The following ARHGAP10 variants were observed in gnomAD, a reference collection of about 807,000 sequenced individuals.
ARHGAP10 encodes the protein Rho GTPase activating protein 10, also known as rho GTPase-activating protein 10.
A neutral mutation model predicts 108.6 loss-of-function variants in ARHGAP10; 87 were observed. The observed-to-expected ratio is 0.80, with a 90% CI of 0.67 to 0.96. The LOEUF (loss-of-function observed/expected upper bound fraction) is 0.96, where lower values mean the gene tolerates loss of function less well. ARHGAP10 is among the 40% of genes least tolerant of loss of function. The pLI, the probability that ARHGAP10 is intolerant of heterozygous loss-of-function variation, is 0.00. For synonymous variants in ARHGAP10, 347 were observed against 341.1 expected, an observed-to-expected ratio of 1.02 and a Z score of -0.19; for missense variants, 939 against 954.5, an observed-to-expected ratio of 0.98 and a Z score of 0.21.
intron 10 of ARHGAP10, among the ~76,000 whole-genome samples, chr4:147,886,402 A>G (rs1735566002): frequency 6.6e-6 from 1 of 152,156 alleles, no homozygotes; most frequent in Non-Finnish European, 1.5e-5. Flanking sequence ...TGTCATTGCA[A>G]GGAACTGCAG....
chr4:147,758,086 A>C (rs1422898501), intron 1 of ARHGAP10, among the ~76,000 whole-genome samples: 1 of 152,162 alleles, frequency 6.6e-6, no homozygotes, highest in African/African-American at 2.4e-5. Context: ...AACATGGAGA[A>C]ACCCCGTCCA....
chr4:147,946,770 C>T (rs1738397623), intron 15 of ARHGAP10, 66 bp downstream of exon 15: 1 of 1,179,466 alleles, frequency 8.5e-7, no homozygotes. Flanking sequence ...AAACAGATGC[C>T]AATTGTGTAC....
At position 148,023,310 on chromosome 4, in the gene ARHGAP10, G is replaced by A. The variant is rs767700198; in HGVS notation, c.1764G>A (p.Leu588=). 2 of 1,614,036 alleles carry A rather than the reference G, an allele frequency of 1.2e-6. No homozygotes were observed. Among genetic ancestry groups the A allele is most frequent in the South Asian group, 2.2e-5 (2 of 91,070 alleles). ...PDTTFPEPTC[L]SASPPNAPPR... ...CTACATTCCCTGAGCCCACCTGCCT[G>A]TCAGCATCACCCCCAAATGCGCCAC... The change falls in exon 19 of 23, where the codon CTG becomes CTA. Residue 588 remains leucine, a synonymous_variant. Transcript: ENST00000336498.
At chr4:147,916,043 G>A (rs192187977) in intron 13 of ARHGAP10, among the ~76,000 whole-genome samples, 1 of 152,264 alleles carries the variant, frequency 6.6e-6, no homozygotes, top group Non-Finnish European at 1.5e-5. Context: ...CAGGGGTCGA[G>A]GCTACAGTGA....
intron 5 of ARHGAP10, among the ~76,000 whole-genome samples, chr4:147,858,933 A>C (rs1157728644): frequency 6.6e-6 from 1 of 152,180 alleles, no homozygotes; most frequent in Non-Finnish European, 1.5e-5. Context: ...CATCTAGTCC[A>C]TCAGTATGTC....
At chr4:147,847,102 T>G in intron 3 of ARHGAP10, 49 bp from the exon 4 acceptor site, 1 of 1,510,770 alleles carries the variant, frequency 6.6e-7, no homozygotes, top group Non-Finnish European at 9.1e-7. Context: ...ATTTTTTCCT[T>G]TTTGGAAACC....
intron 10 of ARHGAP10, among the ~76,000 whole-genome samples, chr4:147,904,448 G>C (rs1231885896): frequency 1.5e-5 from 2 of 137,020 alleles, no homozygotes; most frequent in Non-Finnish European, 3.0e-5. Flanking sequence ...TGTTCTCATT[G>C]TTCAGTTCCC....
intron 7 of ARHGAP10, among the ~76,000 whole-genome samples, chr4:147,869,880 ATGT>A (rs1001282264): frequency 6.6e-6 from 1 of 151,994 alleles, no homozygotes; most frequent in African/African-American, 2.4e-5. Flanking sequence ...TACCTCAGTG[ATGT>A]TGTAATTTGC....
At chr4:147,737,086 A>G (rs541504928) in intron 1 of ARHGAP10, among the ~76,000 whole-genome samples, 1 of 152,218 alleles carries the variant, frequency 6.6e-6, no homozygotes, top group African/African-American at 2.4e-5. Flanking sequence ...ATGACATAAG[A>G]CAGTTTTGAG....
At chr4:147,988,743 CT>C in intron 18 of ARHGAP10, among the ~76,000 whole-genome samples, 1 of 152,146 alleles carries the variant, frequency 6.6e-6, no homozygotes, top group Non-Finnish European at 1.5e-5. Context: ...TTAGTGTTGA[CT>C]TTTCCCCCAC....
chr4:147,965,001 T>C (rs1739151166), intron 16 of ARHGAP10, 23 bp from the exon 17 acceptor site: 1 of 1,483,506 alleles, frequency 6.7e-7, no homozygotes, highest in Non-Finnish European at 9.0e-7. Context: ...TTTTTTTCTT[T>C]ATTATTATTT....
chr4:147,952,800 T>C (rs1738654125), intron 15 of ARHGAP10, among the ~76,000 whole-genome samples: 1 of 152,202 alleles, frequency 6.6e-6, no homozygotes, highest in Admixed American at 6.5e-5. Flanking sequence ...ACTGTGCTTT[T>C]GTGGCTATAT....
chr4:147,962,519 G>T (rs1739039083), intron 16 of ARHGAP10, among the ~76,000 whole-genome samples: 1 of 152,138 alleles, frequency 6.6e-6, no homozygotes, highest in Non-Finnish European at 1.5e-5. Flanking sequence ...TCAGCTATCA[G>T]TTAGAAGCAA....
chr4:147,995,536 CTTA>C (rs1311554095), intron 18 of ARHGAP10, among the ~76,000 whole-genome samples: 2 of 152,266 alleles, frequency 1.3e-5, no homozygotes, highest in Non-Finnish European at 2.9e-5. Flanking sequence ...TTCTTGTCTA[CTTA>C]TTATTATCTA....
Position 148,072,212 on chromosome 4 carries a change from A to T in ARHGAP10, c.*131A>T. On this transcript the variant is annotated 3_prime_UTR_variant, in exon 23 of 23. Coordinates refer to ENST00000336498, the MANE Select transcript of ARHGAP10 (RefSeq NM_024605.4). The stretch of plus-strand genomic sequence containing the variant: ...CACACTTGGGAGTTACCATCATCAC[A>T]GTCAGCCCTGGGGGTGGGGGGTGGT... The T allele has an allele frequency of 1.4e-4, 61 of 422,160 alleles. No homozygotes were observed. Among genetic ancestry groups the T allele is most frequent in the East Asian group, 4.3e-4 (7 of 16,332 alleles). 26.2% of individuals were successfully genotyped at this position (422,160 alleles called of 1,614,324 possible).
Position 147,759,804 on chromosome 4 carries a change from A to G in ARHGAP10, c.154+27349A>G, listed in dbSNP as rs534087595. ...CACCCTGTCGCCCAGGCTGGAATGC[A>G]GTGGTGGGATCTCAGCTCACCACAA... On this transcript the variant is annotated intron_variant, in intron 1 of 22. Coordinates refer to ENST00000336498, the MANE Select transcript of ARHGAP10 (RefSeq NM_024605.4). Among the ~76,000 whole-genome samples, 16 of 152,318 alleles carry G rather than the reference A, an allele frequency of 1.1e-4. No homozygotes were observed. The East Asian group carries it at 2.9e-3, about 28-fold the overall frequency.
intron 14 of ARHGAP10, among the ~76,000 whole-genome samples, chr4:147,941,232 CCT>C (rs1279408833): frequency 6.6e-6 from 1 of 152,062 alleles, no homozygotes; most frequent in African/African-American, 2.4e-5. Context: ...GTCCTAAGGA[CCT>C]GGCATTATTT....
chr4:147,835,531 G>C (rs1316742871), intron 3 of ARHGAP10, among the ~76,000 whole-genome samples: 1 of 152,118 alleles, frequency 6.6e-6, no homozygotes, highest in African/African-American at 2.4e-5. Context: ...GTGCCACCAT[G>C]CCTGGCTAAA....
chr4:147,853,932 G>T (rs1420389449), intron 4 of ARHGAP10, among the ~76,000 whole-genome samples: 1 of 152,076 alleles, frequency 6.6e-6, no homozygotes, highest in Non-Finnish European at 1.5e-5. Flanking sequence ...AAACAGTCAT[G>T]CCAGCACCAA....
Sources: gnomAD v4.1 joint callset for allele counts (sites outside exome capture counted in the v4.1 genomes callset) on GRCh38, gnomAD v4.1.1 for gene constraint, MANE v1.5 for transcripts, NCBI Gene and HGNC (gene_info 2026-07-23, HGNC 2026-07-21) for gene names.